Variants in SYT17 observed in about 807,000 individuals in gnomAD.
The protein encoded by SYT17 is synaptotagmin-17.
In SYT17, 22 loss-of-function variants were observed where a neutral mutation model predicts 46.7. The ratio of observed to expected loss-of-function variants is 0.47; its 90% confidence interval spans 0.34 to 0.67. The LOEUF (loss-of-function observed/expected upper bound fraction) is 0.67, where lower values mean the gene tolerates loss of function less well. Ranked by LOEUF, SYT17 falls within the 30% of genes least tolerant of loss-of-function variation. SYT17 has a pLI of 0.01. For missense variants in SYT17, 519 were observed against 612.8 expected (o/e 0.85, Z 1.62); for synonymous variants, 251 against 248.4 (o/e 1.01, Z -0.10).
At chr16:19,244,686 G>C (rs534323813) in intron 7 of SYT17, among the ~76,000 whole-genome samples, 1 of 152,118 alleles carries the variant, frequency 6.6e-6, no homozygotes, top group African/African-American at 2.4e-5. Flanking sequence ...CCTGTCATGA[G>C]TGACCTTCCA....
chr16:19,172,914 T>C, intron 2 of SYT17, 137 bp downstream of exon 2: 1 of 1,121,214 alleles, frequency 8.9e-7, no homozygotes, highest in Non-Finnish European at 1.3e-6. Flanking sequence ...ACAGTTTCCA[T>C]TCCTTTCTAC....
At chr16:19,171,318 TGATGA>T (rs1964080627) in intron 1 of SYT17, 1 of 97,250 alleles carries the variant, frequency 1.0e-5, no homozygotes, top group Admixed American at 8.7e-5. Flanking sequence ...ATGATGATGA[TGATGA>T]TGATTATGAT....
chr16:19,169,139 G>T (rs913430788), intron 1 of SYT17, among the ~76,000 whole-genome samples: 14 of 152,100 alleles, frequency 9.2e-5, no homozygotes, highest in African/African-American at 3.4e-4. Flanking sequence ...CTGGGCACTG[G>T]GTGCTGAGGG....
chr16:19,246,091 T>A (rs1967537567), intron 7 of SYT17, among the ~76,000 whole-genome samples: 1 of 151,862 alleles, frequency 6.6e-6, no homozygotes, highest in Admixed American at 6.6e-5. Flanking sequence ...CTGCAACCTC[T>A]GCCTGCTGGG....
At chr16:19,250,668 G>A (rs1303556043) in intron 7 of SYT17, among the ~76,000 whole-genome samples, 6 of 152,042 alleles carry the variant, frequency 3.9e-5, no homozygotes, top group East Asian at 3.9e-4. Flanking sequence ...CCTTGCCTCA[G>A]CCTCCCACAG....
chr16:19,243,379 A>T (rs1181991208), intron 7 of SYT17, among the ~76,000 whole-genome samples: 1 of 152,098 alleles, frequency 6.6e-6, no homozygotes. Context: ...ATTCTGCTTA[A>T]TTGTATTTGG....
chr16:19,214,400 C>G (rs1252722603), intron 5 of SYT17, among the ~76,000 whole-genome samples: 1 of 150,570 alleles, frequency 6.6e-6, no homozygotes, highest in African/African-American at 2.4e-5. Context: ...AGTGGCACCA[C>G]CAACATTCAC....
intron 7 of SYT17, among the ~76,000 whole-genome samples, chr16:19,260,789 G>C (rs12921886): frequency 6.6e-6 from 1 of 152,134 alleles, no homozygotes; most frequent in Non-Finnish European, 1.5e-5. Context: ...ATTTGGTGGA[G>C]GTACTTTACA....
chr16:19,184,046 T>C lies in SYT17; in HGVS notation c.850T>C (p.Phe284Leu). Reference sequence around the variant, plus strand: ...CCTGACCGTGGTGGATTTTGATAAGTTCTCCCGCCACTGTGTCATTGGGAA... The same window carrying C: ...CCTGACCGTGGTGGATTTTGATAAGCTCTCCCGCCACTGTGTCATTGGGAA... The part of the protein sequence containing the change: ...LLLTVVDFDK[F>L]SRHCVIGKVS... The change falls in exon 5 of 8, where the codon TTC becomes CTC. Residue 284 changes from phenylalanine to leucine, a missense_variant. Transcript: ENST00000355377. The C allele has an allele frequency of 6.2e-7, 1 of 1,614,150 alleles. No homozygotes were observed. Among genetic ancestry groups the C allele is most frequent in the South Asian group, 1.1e-5 (1 of 91,080 alleles).
chr16:19,201,279 C>T (rs1238775614), intron 5 of SYT17, among the ~76,000 whole-genome samples: 1 of 152,144 alleles, frequency 6.6e-6, no homozygotes, highest in African/African-American at 2.4e-5. Context: ...GACACAGCCC[C>T]AACTCAGGCT....
At chr16:19,194,654 G>A (rs914619028) in intron 5 of SYT17, among the ~76,000 whole-genome samples, 1 of 152,166 alleles carries the variant, frequency 6.6e-6, no homozygotes, top group Non-Finnish European at 1.5e-5. Flanking sequence ...GGAGTGCAGG[G>A]GTGCGATCAT....
At chr16:19,236,630 G>A (rs1199148010) in intron 7 of SYT17, among the ~76,000 whole-genome samples, 1 of 152,142 alleles carries the variant, frequency 6.6e-6, no homozygotes. Context: ...CAGCAAAAGG[G>A]TGCAAATTAA....
chr16:19,176,989 G>A (rs1964339710), intron 3 of SYT17, among the ~76,000 whole-genome samples: 1 of 152,104 alleles, frequency 6.6e-6, no homozygotes, highest in Non-Finnish European at 1.5e-5. Context: ...CGATACCAGC[G>A]GAGACCCCTC....
chr16:19,252,371 A>ATG (rs1968152903), intron 7 of SYT17, among the ~76,000 whole-genome samples: 1 of 16,666 alleles, frequency 6.0e-5, no homozygotes, highest in Non-Finnish European at 8.9e-5. Context: ...ATATATATAC[A>ATG]TATATATACA....
At chr16:19,249,275 A>AAATAAAT (rs373060647) in intron 7 of SYT17, among the ~76,000 whole-genome samples, 2 of 145,264 alleles carry the variant, frequency 1.4e-5, no homozygotes, top group East Asian at 2.0e-4. Context: ...CGCCGTCTCA[A>AAATAAAT]AAATAAATAA....
Position 19,267,289 on chromosome 16 carries a change from C to A in SYT17, c.*213C>A, listed in dbSNP as rs1969434487. The A allele has an allele frequency of 4.3e-6, 2 of 467,180 alleles. No individual in the cohort carries two copies. Among genetic ancestry groups the A allele is most frequent in the African/African-American group, 2.0e-5 (1 of 50,968 alleles). 28.9% of individuals were successfully genotyped at this position (467,180 alleles called of 1,614,324 possible). On this transcript the variant is annotated 3_prime_UTR_variant, in exon 8 of 8. Coordinates refer to ENST00000355377, the MANE Select transcript of SYT17 (RefSeq NM_016524.4). ...AATGGCCGCCCTCAGTTGAGTGAGG[C>A]CTAGGAACTTTCCGGAAGCCCCATC...
chr16:19,196,017 C>CA (rs1313272073), intron 5 of SYT17, among the ~76,000 whole-genome samples: 6 of 151,198 alleles, frequency 4.0e-5, no homozygotes, highest in Admixed American at 6.6e-5. Context: ...CAAAAAGACT[C>CA]AAAAAAAAGA....
At chr16:19,259,652 A>G (rs535343833) in intron 7 of SYT17, among the ~76,000 whole-genome samples, 1 of 152,074 alleles carries the variant, frequency 6.6e-6, no homozygotes, top group South Asian at 2.1e-4. Flanking sequence ...TTTTGTACAT[A>G]GACTTGTGAC....
chr16:19,211,335 G>A, intron 5 of SYT17: 6 of 690,762 alleles, frequency 8.7e-6, no homozygotes, highest in Non-Finnish European at 1.6e-5. Context: ...GGCCCGTGGT[G>A]TGGCAGCAGC....
Sources: gnomAD v4.1 joint callset for allele counts (sites outside exome capture counted in the v4.1 genomes callset) on GRCh38, gnomAD v4.1.1 for gene constraint, MANE v1.5 for transcripts, NCBI Gene and HGNC (gene_info 2026-07-23, HGNC 2026-07-21) for gene names.